Variants in DAPK1 observed in about 807,000 individuals in gnomAD.
DAPK1 encodes the protein death associated protein kinase 1, also known as death-associated protein kinase 1.
Under a neutral mutation model 144.9 loss-of-function variants are expected in DAPK1, and 56 were observed. The ratio of observed to expected loss-of-function variants is 0.39; its 90% CI spans 0.31 to 0.48. The LOEUF is 0.48. DAPK1 is among the 20% of genes least tolerant of loss of function. The pLI, the probability that DAPK1 is intolerant of heterozygous loss-of-function variation, is 0.95. For synonymous variants in DAPK1, 690 were observed against 749.0 expected (o/e 0.92, Z 1.29); for missense variants, 1,454 against 1,875.4 (o/e 0.78, Z 4.15).
Position 87,596,038 on chromosome 9 carries a change from C to T in DAPK1, c.63-8916C>T, listed in dbSNP as rs139916143. ...TAAAAAGTATTGCTTTCCTCTGCCT[C>T]GTAGCTTCTTGAAGGGCAGAAAGAG... On this transcript the variant is annotated intron_variant, in intron 2 of 25. Coordinates refer to ENST00000408954, the MANE Select transcript of DAPK1 (RefSeq NM_004938.4). Among the ~76,000 whole-genome samples, 15 of 151,946 alleles carry T rather than the reference C, an allele frequency of 9.9e-5. No individual in the cohort carries two copies. The East Asian group carries it at 2.7e-3, about 27-fold the overall frequency.
intron 18 of DAPK1, among the ~76,000 whole-genome samples, chr9:87,663,765 GC>G (rs968616871): frequency 2.6e-5 from 4 of 151,812 alleles, no homozygotes; most frequent in Admixed American, 1.3e-4. Context: ...GAGGCCCTCG[GC>G]CCCCCCACAC....
intron 18 of DAPK1, among the ~76,000 whole-genome samples, chr9:87,660,274 G>A (rs960661182): frequency 6.6e-5 from 10 of 152,178 alleles, no homozygotes; most frequent in Admixed American, 6.5e-5. Flanking sequence ...GGGCAGCCAG[G>A]GGAGGGTTCC....
intron 2 of DAPK1, among the ~76,000 whole-genome samples, chr9:87,554,665 CAGG>C (rs1458616357): frequency 1.3e-5 from 2 of 152,188 alleles, no homozygotes; most frequent in Non-Finnish European, 2.9e-5. Flanking sequence ...CTCCTATAGT[CAGG>C]AGGCATCTAG....
At chr9:87,661,964 T>TTTA (rs1475014928) in intron 18 of DAPK1, among the ~76,000 whole-genome samples, 2 of 152,252 alleles carry the variant, frequency 1.3e-5, no homozygotes, top group Admixed American at 1.3e-4. Context: ...AGATCTTCCA[T>TTTA]TTAAGTCTTT....
chr9:87,600,303 A>G (rs981597270), intron 2 of DAPK1, among the ~76,000 whole-genome samples: 2 of 152,198 alleles, frequency 1.3e-5, no homozygotes, highest in African/African-American at 4.8e-5. Context: ...AATAAATTTT[A>G]TGCCTCCTGC....
chr9:87,538,903 A>G (rs1825947215), intron 2 of DAPK1, among the ~76,000 whole-genome samples: 1 of 151,770 alleles, frequency 6.6e-6, no homozygotes, highest in Non-Finnish European at 1.5e-5. Context: ...TTTGTTAGAC[A>G]GTAAGTTTAT....
At chr9:87,541,836 T>C (rs1163323049) in intron 2 of DAPK1, among the ~76,000 whole-genome samples, 2 of 152,216 alleles carry the variant, frequency 1.3e-5, no homozygotes, top group East Asian at 3.9e-4. Context: ...ATGCATGTTT[T>C]CCTGTTCTGT....
chr9:87,511,845 G>T (rs921111169), intron 2 of DAPK1, among the ~76,000 whole-genome samples: 5 of 151,758 alleles, frequency 3.3e-5, no homozygotes, highest in Admixed American at 3.3e-4. Context: ...CAAGTAGCTG[G>T]GATTACAGGA....
rs36232292 is a variant in DAPK1, at chr9:87,555,964, G to A, written c.63-48990G>A. Among the ~76,000 whole-genome samples, 73 of 152,366 alleles carry A rather than the reference G, an allele frequency of 4.8e-4. No homozygotes were observed. The Middle Eastern group carries it at 0.01, about 21-fold the overall frequency. Reference sequence around the variant, plus strand: ...GAGGAATGGAAGTAGTCACTAGTACGTGTTGTCAGTAGCTTCTGTTTTATT... The same window carrying A: ...GAGGAATGGAAGTAGTCACTAGTACATGTTGTCAGTAGCTTCTGTTTTATT... On this transcript the variant is annotated intron_variant, in intron 2 of 25. Coordinates refer to ENST00000408954, the MANE Select transcript of DAPK1 (RefSeq NM_004938.4).
chr9:87,688,209 G>A (rs1007666728), intron 21 of DAPK1, among the ~76,000 whole-genome samples: 5 of 151,224 alleles, frequency 3.3e-5, no homozygotes, highest in African/African-American at 1.2e-4. Flanking sequence ...TTCTGTTCCT[G>A]TGTTAATTCA....
intron 2 of DAPK1, among the ~76,000 whole-genome samples, chr9:87,600,059 TG>T (rs1828461043): frequency 6.6e-6 from 1 of 152,130 alleles, no homozygotes; most frequent in African/African-American, 2.4e-5. Flanking sequence ...GTACTATACT[TG>T]GGGGTCATTG....
At chr9:87,625,311 G>T (rs1829455084) in intron 3 of DAPK1, among the ~76,000 whole-genome samples, 1 of 152,218 alleles carries the variant, frequency 6.6e-6, no homozygotes, top group African/African-American at 2.4e-5. Context: ...CTGTGCCTTG[G>T]ACACTGTAAG....
intron 2 of DAPK1, among the ~76,000 whole-genome samples, chr9:87,572,034 C>T (rs1237580086): frequency 6.6e-6 from 1 of 152,172 alleles, no homozygotes; most frequent in Non-Finnish European, 1.5e-5. Flanking sequence ...TCTGTCATGC[C>T]AAGGGCTGGG....
intron 18 of DAPK1, 70 bp downstream of exon 18, chr9:87,658,197 A>T (rs981782709): frequency 4.5e-6 from 3 of 669,646 alleles, no homozygotes; most frequent in Non-Finnish European, 8.1e-6. Flanking sequence ...GGCAGGAGGG[A>T]CAGGGCTTGT....
rs547223820 is a variant in DAPK1, at chr9:87,514,234, T to A, written c.62+15095T>A. ...AATGAGATGAGAGAAGATATTGACC[T>A]TGGGTGTCCAGAGCTGGTGAGGGGA... On this transcript the variant is annotated intron_variant, in intron 2 of 25. Coordinates refer to ENST00000408954, the MANE Select transcript of DAPK1 (RefSeq NM_004938.4). 2.6e-5 allele frequency among the ~76,000 whole-genome samples: 4 copies of A among 152,204 alleles called. No individual in the cohort carries two copies. In the South Asian group the frequency reaches 6.2e-4, roughly 24 times the overall value.
intron 2 of DAPK1, among the ~76,000 whole-genome samples, chr9:87,547,710 C>G (rs985521016): frequency 6.6e-6 from 1 of 151,900 alleles, no homozygotes; most frequent in East Asian, 1.9e-4. Flanking sequence ...GGTGGGGGTG[C>G]AGGGTGGAGA....
chr9:87,615,030 C>T (rs189861134), intron 3 of DAPK1, among the ~76,000 whole-genome samples: 197 of 152,338 alleles, frequency 1.3e-3, no homozygotes, highest in African/African-American at 4.6e-3. Context: ...GGCCACAGGT[C>T]ATGAGAGCAT....
At chr9:87,500,537 C>G (rs773963558) in intron 2 of DAPK1, among the ~76,000 whole-genome samples, 1 of 151,916 alleles carries the variant, frequency 6.6e-6, no homozygotes. Flanking sequence ...GTGGCCTGAT[C>G]GTTTAAGTGT....
At chr9:87,607,000 T>C (rs1420357235) in intron 3 of DAPK1, among the ~76,000 whole-genome samples, 4 of 151,578 alleles carry the variant, frequency 2.6e-5, no homozygotes, top group Non-Finnish European at 5.9e-5. Flanking sequence ...ACTAAAAATA[T>C]ATCCAGACAT....
Sources: gnomAD v4.1 joint callset for allele counts (sites outside exome capture counted in the v4.1 genomes callset) on GRCh38, gnomAD v4.1.1 for gene constraint, MANE v1.5 for transcripts, NCBI Gene and HGNC (gene_info 2026-07-23, HGNC 2026-07-21) for gene names.